The following NFX1 variants were observed in gnomAD, a reference collection of about 807,000 sequenced individuals.
The protein encoded by NFX1 is transcriptional repressor NF-X1.
Under a neutral mutation model 137.2 loss-of-function variants are expected in NFX1, and 69 were observed. The ratio of observed to expected loss-of-function variants is 0.50; its 90% confidence interval spans 0.41 to 0.61. NFX1 has a LOEUF of 0.61. NFX1 is among the 20% of genes least tolerant of loss of function. The pLI, the probability that NFX1 is intolerant of heterozygous loss-of-function variation, is 0.00. For missense variants in NFX1, 1,167 were observed against 1,391.0 expected, an observed-to-expected ratio of 0.84 and a Z score of 2.56; for synonymous variants, 495 against 474.1, an observed-to-expected ratio of 1.04 and a Z score of -0.57.
At chr9:33,315,076 A>G (rs930657173) in intron 7 of NFX1, among the ~76,000 whole-genome samples, 2 of 152,082 alleles carry the variant, frequency 1.3e-5, no homozygotes, top group Admixed American at 1.3e-4. Context: ...ATCTAATTTT[A>G]TAGTTGGGGC....
At chr9:33,353,015 TC>T in intron 17 of NFX1, 1 of 309,490 alleles carries the variant, frequency 3.2e-6, no homozygotes, top group Non-Finnish European at 6.0e-6. Context: ...AGTGCTGGGA[TC>T]ACAGGCGTGA....
At chr9:33,323,300 A>C (rs1822453087) in intron 9 of NFX1, among the ~76,000 whole-genome samples, 1 of 152,210 alleles carries the variant, frequency 6.6e-6, no homozygotes, top group African/African-American at 2.4e-5. Flanking sequence ...GGAGAGGGGA[A>C]GCAGTATCCA....
chr9:33,328,284 C>CA (rs1229053417), intron 9 of NFX1, among the ~76,000 whole-genome samples: 10 of 152,100 alleles, frequency 6.6e-5, no homozygotes, highest in Admixed American at 5.9e-4. Context: ...CTCAGCCTCT[C>CA]AAAGTGCTGG....
At chr9:33,332,579 T>G (rs2118499001) in intron 11 of NFX1, 77 bp downstream of exon 11, 1 of 1,090,884 alleles carries the variant, frequency 9.2e-7, no homozygotes, top group East Asian at 2.6e-5. Context: ...GGAGTTGGGT[T>G]ATGTATTTGT....
At chr9:33,357,045 G>A (rs1165240523) in intron 19 of NFX1, among the ~76,000 whole-genome samples, 1 of 151,504 alleles carries the variant, frequency 6.6e-6, no homozygotes, top group Non-Finnish European at 1.5e-5. Context: ...GGCCGTAATG[G>A]TGGTGCCTAT....
intron 6 of NFX1, among the ~76,000 whole-genome samples, chr9:33,313,177 T>C (rs1822024933): frequency 6.6e-6 from 1 of 152,080 alleles, no homozygotes; most frequent in Non-Finnish European, 1.5e-5. Flanking sequence ...TGCTGCTTCA[T>C]GGAACTCAGA....
chr9:33,364,994 C>T, intron 21 of NFX1: 1 of 1,356,344 alleles, frequency 7.4e-7, no homozygotes, highest in South Asian at 1.6e-5. Flanking sequence ...CTACAGTCGG[C>T]TGGGCACAGT....
intron 4 of NFX1, among the ~76,000 whole-genome samples, chr9:33,303,982 A>G (rs554504160): frequency 2.0e-5 from 3 of 152,302 alleles, no homozygotes; most frequent in South Asian, 2.1e-4. Flanking sequence ...GAAATTACCA[A>G]TGGGCCGGGC....
rs377214937 is a variant in NFX1, at chr9:33,327,086, AG to A, written c.1907-1494del. Among the ~76,000 whole-genome samples the A allele has an allele frequency of 2.0e-4, 31 of 152,380 alleles. No homozygotes were observed. The East Asian group carries it at 5.4e-3, about 27-fold the overall frequency. ...GAAAGGAGTATTAGAATAACAAAAAAGACATGAGACTTACAGAAAACTAAAA... is the reference window on the plus strand; with the variant it reads ...GAAAGGAGTATTAGAATAACAAAAAAACATGAGACTTACAGAAAACTAAAA... On this transcript the variant is annotated intron_variant, in intron 9 of 23. Coordinates refer to ENST00000379540, the MANE Select transcript of NFX1 (RefSeq NM_002504.6).
chr9:33,306,097 G>C (rs1321135109), intron 4 of NFX1, among the ~76,000 whole-genome samples: 2 of 152,218 alleles, frequency 1.3e-5, no homozygotes, highest in African/African-American at 4.8e-5. Flanking sequence ...CACAGAGGCA[G>C]GGAGGCTTTT....
At chr9:33,368,536 A>G (rs568422184) in intron 23 of NFX1, among the ~76,000 whole-genome samples, 1 of 152,292 alleles carries the variant, frequency 6.6e-6, no homozygotes, top group African/African-American at 2.4e-5. Context: ...GCACTTGGTC[A>G]TAGCCCCAGT....
At chr9:33,326,542 G>A (rs1464141082) in intron 9 of NFX1, among the ~76,000 whole-genome samples, 1 of 151,734 alleles carries the variant, frequency 6.6e-6, no homozygotes, top group African/African-American at 2.4e-5. Context: ...AACGTAGTGA[G>A]ATTTAATCCC....
rs758589543 is a variant in NFX1 at position 33,328,637 on chromosome 9, C to G, written c.1963C>G (p.Arg655Gly). The stretch of plus-strand genomic sequence containing the variant: ...TGAAGGAGACTGTGGACCATGCTCT[C>G]GCACATCAGTTATTTCCTGCAGATG... ...CHEGDCGPCSRTSVISCRCSF... is the reference protein window; with the variant it reads ...CHEGDCGPCSGTSVISCRCSF... The change falls in exon 10 of 24, where the codon CGC (arginine) becomes GGC (glycine). Residue 655 changes from arginine (R) to glycine (G), a missense_variant. By Grantham distance (125) the Arg-to-Gly change is moderately radical. Coordinates refer to ENST00000379540, the MANE Select transcript of NFX1 (RefSeq NM_002504.6). 2 of 1,612,094 alleles carry G rather than the reference C, an allele frequency of 1.2e-6. No homozygotes were observed. The highest frequency in any genetic ancestry group is 1.7e-6 in the Non-Finnish European group (2 of 1,178,476).
In NFX1 at chr9:33,301,419, C is replaced by G. The variant is rs891981652; in HGVS notation, c.1190C>G (p.Ala397Gly). ...KKWARSPASQ[A>G]DGQSGWRCPA... ...TGGGCAAGGTCTCCAGCATCTCAAG[C>G]AGGTCAATTAATTCTCTCTTCTGAG... The change falls in exon 3 of 24, where the codon GCA becomes GGA. Residue 397 changes from alanine to glycine, a missense_variant and splice_region_variant. Physicochemically the swap from Ala to Gly is moderately conservative, Grantham distance 60. Coordinates refer to ENST00000379540, the MANE Select transcript of NFX1 (RefSeq NM_002504.6). 1.2e-6 allele frequency: 2 copies of G among 1,613,382 alleles called. No homozygotes were observed. Among genetic ancestry groups the G allele is most frequent in the African/African-American group, 2.7e-5 (2 of 74,892 alleles).
At position 33,301,439 on chromosome 9, in the gene NFX1, T is replaced by C. The variant is rs1821562100; in HGVS notation, c.1192+18T>C. 7 of 1,610,414 alleles carry C rather than the reference T, an allele frequency of 4.3e-6. No homozygotes were observed. The Admixed American group carries it at 5.1e-5, about 12-fold the overall frequency. ...TCAAGCAGGTCAATTAATTCTCTCT[T>C]CTGAGTAGTTATTCTCCCCTATTTG... On this transcript the variant is annotated intron_variant, in intron 3 of 23. Coordinates refer to ENST00000379540, the MANE Select transcript of NFX1 (RefSeq NM_002504.6).
At chr9:33,296,110 A>G (rs1246471747) in intron 2 of NFX1, among the ~76,000 whole-genome samples, 2 of 152,096 alleles carry the variant, frequency 1.3e-5, no homozygotes, top group Non-Finnish European at 2.9e-5. Context: ...TATTTTTAGT[A>G]GAAATGGGGT....
chr9:33,326,853 C>G (rs542515224), intron 9 of NFX1, among the ~76,000 whole-genome samples: 8 of 151,992 alleles, frequency 5.3e-5, no homozygotes, highest in Admixed American at 4.6e-4. Context: ...ATAACAATAA[C>G]TGCACAAAAG....
At chr9:33,305,412 C>T (rs1354442003) in intron 4 of NFX1, among the ~76,000 whole-genome samples, 3 of 152,186 alleles carry the variant, frequency 2.0e-5, no homozygotes, top group African/African-American at 7.2e-5. Flanking sequence ...GATTCATCCA[C>T]TTACAGAGCC....
chr9:33,366,869 C>T, intron 22 of NFX1, 95 bp downstream of exon 22: 1 of 1,399,244 alleles, frequency 7.1e-7, no homozygotes, highest in Non-Finnish European at 9.6e-7. Context: ...CTTACTACCA[C>T]TCTCCCTCTT....
Sources: gnomAD v4.1 joint callset for allele counts (sites outside exome capture counted in the v4.1 genomes callset) on GRCh38, gnomAD v4.1.1 for gene constraint, MANE v1.5 for transcripts, NCBI Gene and HGNC (gene_info 2026-07-23, HGNC 2026-07-21) for gene names.